NGRN: variants seen among roughly 807,000 people sequenced by gnomAD.
The protein encoded by NGRN is neugrin.
In NGRN, 12 loss-of-function variants were observed where a neutral mutation model predicts 13.1. The observed-to-expected ratio is 0.92, with a 90% CI of 0.59 to 1.49. NGRN has a LOEUF of 1.49. Among genes scored for constraint, NGRN ranks in the 40% most tolerant of loss-of-function variants. The pLI is 0.00. For missense variants in NGRN, 397 were observed against 357.0 expected (o/e 1.11, Z -0.90); for synonymous variants, 149 against 145.8 (o/e 1.02, Z -0.16).
chr15:90,266,245 C>G (rs1434498565), intron 1 of NGRN, 43 bp from the exon 2 acceptor site: 6 of 1,587,620 alleles, frequency 3.8e-6, no homozygotes, highest in Non-Finnish European at 5.1e-6. Context: ...AACATCCATT[C>G]TGCTTCCACG....
At chr15:90,266,669 C>T (rs969555066) in intron 2 of NGRN, among the ~76,000 whole-genome samples, 9 of 152,134 alleles carry the variant, frequency 5.9e-5, no homozygotes, top group African/African-American at 1.9e-4. Context: ...CCGCCTCGGC[C>T]TCTCAGAGTG....
intron 2 of NGRN, among the ~76,000 whole-genome samples, chr15:90,269,636 ATTGGCTT>A (rs1963477706): frequency 6.6e-6 from 1 of 152,058 alleles, no homozygotes; most frequent in South Asian, 2.1e-4. Flanking sequence ...CACCCCTGCT[ATTGGCTT>A]ATGACTTCCA....
rs1596199430 is a variant in NGRN, at chr15:90,265,753, G to C, written c.41G>C (p.Cys14Ser). ...TLSLLLGGRVCAAVTRCGFAT... is the reference protein window; with the variant it reads ...TLSLLLGGRVSAAVTRCGFAT... ...AGTCTCTTGCTGGGCGGGCGCGTTTGCGCCGCCGTCACTCGCTGTGGGTTC... is the reference window on the plus strand; with the variant it reads ...AGTCTCTTGCTGGGCGGGCGCGTTTCCGCCGCCGTCACTCGCTGTGGGTTC... Residue 14 changes from cysteine (C) to serine (S), a missense_variant, in exon 1 of 3, where the codon TGC (cysteine) becomes TCC (serine). Physicochemically the swap from Cys to Ser is moderately radical, Grantham distance 112. Transcript: ENST00000379095. 4 of 1,613,102 alleles carry C rather than the reference G, an allele frequency of 2.5e-6. No homozygotes were observed. The East Asian group carries it at 6.7e-5, about 27-fold the overall frequency.
chr15:90,265,878 T>G lies in NGRN; in HGVS notation c.164+2T>G. 1 of 1,567,940 alleles carries G rather than the reference T, an allele frequency of 6.4e-7. No homozygotes were observed. The highest frequency in any genetic ancestry group is 8.6e-7 in the Non-Finnish European group (1 of 1,158,270). ...ACGGGAGCTGCAGGAGGTGGAGAGG[T>G]ACCGGCTTCTCCCCGGGCCCTCAGC... On this transcript the variant is annotated splice_donor_variant, in intron 1 of 2. Coordinates refer to ENST00000379095, the MANE Select transcript of NGRN (RefSeq NM_001033088.3). LOFTEE classifies it high-confidence loss of function.
At position 90,271,537 on chromosome 15, in the gene NGRN, G is replaced by A; in HGVS notation, c.625G>A (p.Gly209Arg). ...GACAAATACACCAAGGAGAAGGAAG[G>A]GAAGAAATAAAGAAATCCAGGACCT... ...HRTNTPRRRK[G>R]RNKEIQDLEE... is the part of the protein sequence containing the mutation. The change falls in exon 3 of 3, where the codon GGA becomes AGA. Residue 209 changes from glycine to arginine, a missense_variant. Physicochemically the swap from Gly to Arg is moderately radical, Grantham distance 125 (BLOSUM62 -2). Transcript: ENST00000379095. 1 of 1,614,072 alleles carries A rather than the reference G, an allele frequency of 6.2e-7. No individual in the cohort carries two copies. The highest frequency in any genetic ancestry group is 8.5e-7 in the Non-Finnish European group (1 of 1,180,026).
chr15:90,269,675 G>GT (rs912442922), intron 2 of NGRN, among the ~76,000 whole-genome samples: 5 of 151,852 alleles, frequency 3.3e-5, no homozygotes, highest in African/African-American at 4.8e-5. Flanking sequence ...TCCAGTTCAT[G>GT]TTTTTTTTCC....
chr15:90,269,051 A>G (rs1037239214), intron 2 of NGRN, among the ~76,000 whole-genome samples: 16 of 135,854 alleles, frequency 1.2e-4, no homozygotes, highest in Admixed American at 7.3e-4. Context: ...GCTGGAGTGC[A>G]GTGGCATGAT....
intron 2 of NGRN, among the ~76,000 whole-genome samples, chr15:90,270,913 G>A (rs762678061): frequency 6.6e-6 from 1 of 152,046 alleles, no homozygotes; most frequent in Non-Finnish European, 1.5e-5. Flanking sequence ...TCGGCTCACC[G>A]CAGCCTTCAC....
At position 90,271,856 on chromosome 15, in the gene NGRN, G is replaced by C; in HGVS notation, c.*68G>C. 3 of 1,564,514 alleles carry C rather than the reference G, an allele frequency of 1.9e-6. No individual in the cohort carries two copies. Among genetic ancestry groups the C allele is most frequent in the Non-Finnish European group, 2.6e-6 (3 of 1,154,592 alleles). On this transcript the variant is annotated 3_prime_UTR_variant, in exon 3 of 3. Coordinates refer to ENST00000379095, the MANE Select transcript of NGRN (RefSeq NM_001033088.3). ...GGCAAGTATTAATGTATATGGAACAGCCTGGATTTCTGCATATGGATAAGC... is the reference window on the plus strand; with the variant it reads ...GGCAAGTATTAATGTATATGGAACACCCTGGATTTCTGCATATGGATAAGC...
At position 90,272,155 on chromosome 15, in the gene NGRN, G is replaced by T; in HGVS notation, c.*367G>T. The T allele has an allele frequency of 4.5e-6, 1 of 222,134 alleles. No homozygotes were observed. Among genetic ancestry groups the T allele is most frequent in the East Asian group, 9.8e-5 (1 of 10,156 alleles). 13.8% of individuals were successfully genotyped at this position (222,134 alleles called of 1,614,324 possible). Reference sequence around the variant, plus strand: ...TTGATCAGTGAACACTAACATTTTGGGGACAACTTAGTCAATTGGTTTTCC... The same window carrying T: ...TTGATCAGTGAACACTAACATTTTGTGGACAACTTAGTCAATTGGTTTTCC... On this transcript the variant is annotated 3_prime_UTR_variant, in exon 3 of 3. Coordinates refer to ENST00000379095, the MANE Select transcript of NGRN (RefSeq NM_001033088.3).
chr15:90,271,643 C>A lies in NGRN; in HGVS notation c.731C>A (p.Pro244His). 1 of 1,614,112 alleles carries A rather than the reference C, an allele frequency of 6.2e-7. No homozygotes were observed. Among genetic ancestry groups the A allele is most frequent in the Non-Finnish European group, 8.5e-7 (1 of 1,180,030 alleles). Residue 244 changes from proline to histidine, a missense_variant, in exon 3 of 3, where the codon CCC (proline) becomes CAC (histidine). Transcript: ENST00000379095. ...AAGTACTCCAGTGATTCTGAGAGCC[C>A]CAGAGGAACTGGCAGTGGTGCGTTG... ...LQKYSSDSES[P>H]RGTGSGALPS... is the part of the protein sequence containing the mutation.
At position 90,267,545 on chromosome 15, in the gene NGRN, T is replaced by C. The variant is rs576341696; in HGVS notation, c.275+1147T>C. Reference sequence around the variant, plus strand: ...GACAGAGATGGGGGTCTCACTATGATGACCAGGCTGGTCTCAAACTTCTGG... The same window carrying C: ...GACAGAGATGGGGGTCTCACTATGACGACCAGGCTGGTCTCAAACTTCTGG... On this transcript the variant is annotated intron_variant, in intron 2 of 2. Coordinates refer to ENST00000379095, the MANE Select transcript of NGRN (RefSeq NM_001033088.3). Among the ~76,000 whole-genome samples the C allele has an allele frequency of 2.7e-3, 411 of 152,362 alleles. 3 individuals carry two copies. Among genetic ancestry groups the C allele is most frequent in the African/African-American group, 9.6e-3 (399 of 41,580 alleles).
chr15:90,271,735 CAGAGGGGCCG>C lies in NGRN; in HGVS notation c.828_837del (p.Arg276SerfsTer44). 3 of 1,614,154 alleles carry C rather than the reference CAGAGGGGCCG, an allele frequency of 1.9e-6. No individual in the cohort carries two copies. In the South Asian group the frequency reaches 3.3e-5, roughly 18 times the overall value. Reference sequence around the variant, plus strand: ...AGATAACTTCAGCAGCAAAGTAGTGCAGAGGGGCCGAGAGTTCTTTGACAGCAACGGGAAC... The same window carrying C: ...AGATAACTTCAGCAGCAAAGTAGTGCAGAGTTCTTTGACAGCAACGGGAAC... On this transcript the variant is annotated frameshift_variant, in exon 3 of 3. Coordinates refer to ENST00000379095, the MANE Select transcript of NGRN (RefSeq NM_001033088.3). LOFTEE classifies it high-confidence loss of function.
chr15:90,271,953 C>G lies in NGRN; in HGVS notation c.*165C>G. The G allele has an allele frequency of 2.3e-6, 2 of 880,258 alleles. No individual in the cohort carries two copies. Among genetic ancestry groups the G allele is most frequent in the Non-Finnish European group, 3.4e-6 (2 of 589,950 alleles). The allele number at this position is 880,258 out of a possible 1,614,324, so 54.5% of individuals were successfully genotyped here. ...GAGCTGCGTGGATAGATTCAAACTT[C>G]CTGTGGTAGTGCTCCCAGTCTGACC... On this transcript the variant is annotated 3_prime_UTR_variant, in exon 3 of 3. Transcript: ENST00000379095.
chr15:90,265,939 G>C, intron 1 of NGRN, 63 bp downstream of exon 1: 1 of 1,432,006 alleles, frequency 7.0e-7, no homozygotes, highest in Non-Finnish European at 9.1e-7. Flanking sequence ...GCTCCAGGCC[G>C]CGCCCCCTTG....
chr15:90,271,276 T>C lies in NGRN; in HGVS notation c.364T>C (p.Leu122=). 6.2e-7 allele frequency: 1 copy of C among 1,614,160 alleles called. No individual in the cohort carries two copies. Among genetic ancestry groups the C allele is most frequent in the Non-Finnish European group, 8.5e-7 (1 of 1,180,042 alleles). ...DVSTDVIRRV[L]KSKFLPTLEQ... is the part of the protein sequence containing the mutation. ...CAGCACTGATGTGATCCGAAGAGTT[T>C]TAAAAAGCAAGTTTTTACCCACATT... The change falls in exon 3 of 3, where the codon TTA becomes CTA. Residue 122 remains leucine, a synonymous_variant. Coordinates refer to ENST00000379095, the MANE Select transcript of NGRN (RefSeq NM_001033088.3).
At position 90,271,743 on chromosome 15, in the gene NGRN, C is replaced by T. The variant is rs1388797874; in HGVS notation, c.831C>T (p.Gly277=). 6.2e-7 allele frequency: 1 copy of T among 1,614,128 alleles called. No individual in the cohort carries two copies. Among genetic ancestry groups the T allele is most frequent in the South Asian group, 1.1e-5 (1 of 91,068 alleles). Residue 277 remains glycine (G), a synonymous_variant, in exon 3 of 3, where the codon GGC becomes GGT. Transcript: ENST00000379095. The part of the protein sequence containing the change: ...DNFSSKVVQR[G]REFFDSNGNF... ...TCAGCAGCAAAGTAGTGCAGAGGGG[C>T]CGAGAGTTCTTTGACAGCAACGGGA...
Position 90,266,375 on chromosome 15 carries a change from G to A in NGRN, c.252G>A (p.Thr84=), listed in dbSNP as rs1388641659. 6.2e-7 allele frequency: 1 copy of A among 1,613,676 alleles called. No individual in the cohort carries two copies. The highest frequency in any genetic ancestry group is 1.3e-5 in the African/African-American group (1 of 75,036). ...EAPGAPPRTL[T]WEAMEQIRYL... is the part of the protein sequence containing the mutation. ...CTGGTGCCCCGCCCAGGACCCTGAC[G>A]TGGGAAGCCATGGAGCAGATACGGT... The change falls in exon 2 of 3, where the codon ACG becomes ACA. Residue 84 remains threonine (T), a synonymous_variant. Transcript: ENST00000379095.
In NGRN at chr15:90,265,774, G is replaced by T. The variant is rs768254098; in HGVS notation, c.62G>T (p.Gly21Val). ...GRVCAAVTRC[G>V]FATRGVAGPG... ...GTTTGCGCCGCCGTCACTCGCTGTG[G>T]GTTCGCGACCCGGGGGGTGGCGGGC... The change falls in exon 1 of 3, where the codon GGG becomes GTG. Residue 21 changes from glycine (G) to valine (V), a missense_variant. Gly to Val is a moderately radical substitution (Grantham distance 109). Transcript: ENST00000379095. 1.2e-6 allele frequency: 2 copies of T among 1,613,134 alleles called. No homozygotes were observed. Among genetic ancestry groups the T allele is most frequent in the Non-Finnish European group, 8.5e-7 (1 of 1,179,804 alleles).
Sources: allele counts gnomAD v4.1 joint callset (sites outside exome capture counted in the v4.1 genomes callset), GRCh38; gene constraint gnomAD v4.1.1; transcripts MANE v1.5; gene names NCBI Gene and HGNC (gene_info 2026-07-23, HGNC 2026-07-21).